The following RBFOX3 variants were observed in gnomAD, a reference collection of about 807,000 sequenced individuals.
The protein encoded by RBFOX3 is RNA binding fox-1 homolog 3, also known as RNA binding protein fox-1 homolog 3.
A neutral mutation model predicts 48.7 loss-of-function variants in RBFOX3; 17 were observed. The ratio of observed to expected loss-of-function variants is 0.35; its 90% confidence interval spans 0.24 to 0.52. RBFOX3 has a LOEUF of 0.52. Ranked by LOEUF, RBFOX3 falls within the 20% of genes least tolerant of loss-of-function variation. The pLI is 0.94. For synonymous variants in RBFOX3, 212 were observed against 209.5 expected (o/e 1.01, Z -0.10); for missense variants, 382 against 497.5 (o/e 0.77, Z 2.21).
chr17:79,174,431 C>A (rs2050079681), intron 4 of RBFOX3, among the ~76,000 whole-genome samples: 1 of 152,034 alleles, frequency 6.6e-6, no homozygotes, highest in East Asian at 1.9e-4. Flanking sequence ...CACTCACACA[C>A]ACTGACACAA....
intron 1 of RBFOX3, among the ~76,000 whole-genome samples, chr17:79,558,211 T>G (rs1205560669): frequency 1.3e-5 from 2 of 151,386 alleles, no homozygotes; most frequent in African/African-American, 4.9e-5. Context: ...GAGGGCCACG[T>G]GGCCCAGGCC....
chr17:79,554,115 C>G (rs1298361223), intron 1 of RBFOX3, among the ~76,000 whole-genome samples: 1 of 152,112 alleles, frequency 6.6e-6, no homozygotes, highest in Non-Finnish European at 1.5e-5. Flanking sequence ...TTTACTAGTC[C>G]CATTTTTCTA....
At chr17:79,137,793 G>T (rs1395919115) in intron 4 of RBFOX3, among the ~76,000 whole-genome samples, 1 of 152,152 alleles carries the variant, frequency 6.6e-6, no homozygotes, top group Non-Finnish European at 1.5e-5. Context: ...TGAAGTTTTT[G>T]GGTCTGCTCC....
intron 2 of RBFOX3, among the ~76,000 whole-genome samples, chr17:79,371,057 C>T (rs4790021): frequency 0.55 from 83,647 of 152,050 alleles, 23,424 homozygotes; most frequent in Admixed American, 0.67. Context: ...GAGGCATGCA[C>T]GGTGGGGTGG....
At chr17:79,383,025 C>T (rs7208287) in intron 2 of RBFOX3, among the ~76,000 whole-genome samples, 49,987 of 143,264 alleles carry the variant, frequency 0.35, 8,681 homozygotes, top group South Asian at 0.47. Context: ...CAATCTCTGC[C>T]TCTCAAACAC....
chr17:79,510,789 C>T (rs1598995486), intron 1 of RBFOX3, among the ~76,000 whole-genome samples: 2 of 152,132 alleles, frequency 1.3e-5, no homozygotes, highest in South Asian at 4.1e-4. Flanking sequence ...GCCTCCCTTG[C>T]TGGCCAGGCA....
At position 79,571,895 on chromosome 17, in the gene RBFOX3, C is replaced by G. The variant is rs975644998; in HGVS notation, c.-320+38931G>C. The stretch of plus-strand genomic sequence containing the variant: ...GCAGAAGACTGTGCCTATGAGCACC[C>G]CGGGTGTGGCCTGCTCACCTCCCCC... On this transcript the variant is annotated intron_variant, in intron 1 of 14. Transcript: ENST00000693108. 5.8e-4 allele frequency among the ~76,000 whole-genome samples: 88 copies of G among 152,264 alleles called. 3 individuals carry two copies. The South Asian group carries it at 0.018, about 31-fold the overall frequency.
chr17:79,547,777 C>T (rs1404588382), intron 1 of RBFOX3, among the ~76,000 whole-genome samples: 3 of 152,206 alleles, frequency 2.0e-5, no homozygotes, highest in African/African-American at 7.2e-5. Flanking sequence ...CAGGCAGGGG[C>T]CACACCACAG....
intron 2 of RBFOX3, among the ~76,000 whole-genome samples, chr17:79,370,740 C>T (rs1296201063): frequency 6.6e-6 from 1 of 152,180 alleles, no homozygotes; most frequent in Non-Finnish European, 1.5e-5. Flanking sequence ...TGCTCACTAA[C>T]ACACACAGGC....
intron 4 of RBFOX3, among the ~76,000 whole-genome samples, chr17:79,208,789 T>C (rs938583730): frequency 6.6e-6 from 1 of 151,224 alleles, no homozygotes; most frequent in African/African-American, 2.4e-5. Flanking sequence ...CTCACTCCCA[T>C]CTCCACCCTG....
chr17:79,379,414 C>A (rs1264788622), intron 2 of RBFOX3, among the ~76,000 whole-genome samples: 1 of 152,124 alleles, frequency 6.6e-6, no homozygotes, highest in Admixed American at 6.5e-5. Flanking sequence ...ACCCCGTTTT[C>A]GTTTTGTTTT....
At chr17:79,356,593 T>C (rs4790029) in intron 2 of RBFOX3, among the ~76,000 whole-genome samples, 21,001 of 151,512 alleles carry the variant, frequency 0.14, 1,565 homozygotes, top group East Asian at 0.21. Flanking sequence ...GGTCTTGAAC[T>C]CCTGACCTCA....
chr17:79,186,317 A>G (rs2146308974), intron 4 of RBFOX3, among the ~76,000 whole-genome samples: 1 of 152,378 alleles, frequency 6.6e-6, no homozygotes, highest in African/African-American at 2.4e-5. Flanking sequence ...TTCTTGGGAC[A>G]GGGGCTGTTA....
intron 5 of RBFOX3, among the ~76,000 whole-genome samples, chr17:79,108,987 A>G (rs2077974801): frequency 6.6e-6 from 1 of 152,230 alleles, no homozygotes; most frequent in Non-Finnish European, 1.5e-5. Context: ...CACACCCCAC[A>G]GCGTGGGAAC....
At chr17:79,377,335 T>C (rs2059338608) in intron 2 of RBFOX3, among the ~76,000 whole-genome samples, 1 of 151,918 alleles carries the variant, frequency 6.6e-6, no homozygotes, top group South Asian at 2.1e-4. Context: ...ACACAGGCAC[T>C]CTTACACACA....
chr17:79,522,112 G>A (rs921912289), intron 1 of RBFOX3, among the ~76,000 whole-genome samples: 3 of 152,238 alleles, frequency 2.0e-5, no homozygotes, highest in Non-Finnish European at 4.4e-5. Flanking sequence ...CCTAAAATGT[G>A]TGGTTGCCTC....
intron 1 of RBFOX3, among the ~76,000 whole-genome samples, chr17:79,517,926 AC>A (rs1298178583): frequency 6.6e-6 from 1 of 152,144 alleles, no homozygotes; most frequent in Non-Finnish European, 1.5e-5. Flanking sequence ...CCGAGGTCTG[AC>A]CCGGTATTGA....
intron 1 of RBFOX3, among the ~76,000 whole-genome samples, chr17:79,500,964 G>A (rs1484277975): frequency 3.3e-5 from 5 of 152,168 alleles, no homozygotes; most frequent in African/African-American, 4.8e-5. Context: ...TCTCAGACGT[G>A]GGAAGTATGA....
intron 2 of RBFOX3, among the ~76,000 whole-genome samples, chr17:79,467,603 C>T (rs969645028): frequency 3.9e-5 from 6 of 152,162 alleles, no homozygotes; most frequent in Admixed American, 3.9e-4. Context: ...AGCAGCTCTG[C>T]TCCTGAGCTG....
Sources: allele counts gnomAD v4.1 joint callset (sites outside exome capture counted in the v4.1 genomes callset), GRCh38; gene constraint gnomAD v4.1.1; transcripts MANE v1.5; gene names NCBI Gene and HGNC (gene_info 2026-07-23, HGNC 2026-07-21).